Variants in TM2D1 observed in about 807,000 individuals in gnomAD.
TM2D1 encodes TM2 domain-containing protein 1.
In TM2D1, 15 loss-of-function variants were observed where a neutral mutation model predicts 28.4. That is an observed-to-expected ratio of 0.53 (90% CI 0.35 to 0.81). The LOEUF (loss-of-function observed/expected upper bound fraction) is 0.81. Among genes scored for constraint, TM2D1 ranks in the 40% least tolerant of loss-of-function variants. The pLI is 0.01. For synonymous variants in TM2D1, 93 were observed against 96.2 expected, an observed-to-expected ratio of 0.97 and a Z score of 0.20; for missense variants, 236 against 254.9, an observed-to-expected ratio of 0.93 and a Z score of 0.50.
intron 2 of TM2D1, among the ~76,000 whole-genome samples, chr1:61,713,755 C>T (rs541529092): frequency 1.8e-4 from 28 of 152,148 alleles, no homozygotes; most frequent in African/African-American, 6.3e-4. Context: ...CTTAAAGAGA[C>T]AGTTGCAATA....
intron 2 of TM2D1, among the ~76,000 whole-genome samples, chr1:61,716,788 T>C (rs1644525843): frequency 6.6e-6 from 1 of 152,032 alleles, no homozygotes; most frequent in South Asian, 2.1e-4. Flanking sequence ...ACATACTTTA[T>C]AATGATTTCA....
In TM2D1 at chr1:61,686,356, C is replaced by T. The variant is rs147973779; in HGVS notation, c.514-2810G>A. 5.7e-3 allele frequency among the ~76,000 whole-genome samples: 870 copies of T among 152,136 alleles called. 11 individuals carry two copies. The highest frequency in any genetic ancestry group is 0.02 in the African/African-American group (817 of 41,502). ...TAAAGATGTCAACTATTTAGATCCA[C>T]ATTCCTTTGCCAAATTAAGACAGGG... On this transcript the variant is annotated intron_variant, in intron 5 of 6. Transcript: ENST00000606498.
rs41289420 is a variant in TM2D1 at position 61,681,106 on chromosome 1, G to C, written c.*264C>G. ...AAATGACAAGTGGCAACTTGCCTTT[G>C]TAAAAGATTAAAGAGTATCAGAGTA... On this transcript the variant is annotated 3_prime_UTR_variant, in exon 7 of 7. Coordinates refer to ENST00000606498, the MANE Select transcript of TM2D1 (RefSeq NM_032027.3). 4.0e-3 allele frequency: 615 copies of C among 152,714 alleles called. 3 individuals are homozygous for C. The highest frequency in any genetic ancestry group is 6.9e-3 in the Non-Finnish European group (472 of 68,034). 9.5% of individuals were successfully genotyped at this position (152,714 alleles called of 1,614,324 possible).
chr1:61,686,856 G>A (rs1644289169), intron 5 of TM2D1: 6 of 951,222 alleles, frequency 6.3e-6, no homozygotes, highest in South Asian at 4.9e-5. Flanking sequence ...CCAGGAATTC[G>A]AGGCTGCAAT....
At chr1:61,718,104 G>A (rs1484238806) in intron 2 of TM2D1, among the ~76,000 whole-genome samples, 2 of 152,122 alleles carry the variant, frequency 1.3e-5, no homozygotes, top group African/African-American at 4.8e-5. Context: ...GATTGCTTGA[G>A]CTCAGGAGTT....
intron 2 of TM2D1, among the ~76,000 whole-genome samples, chr1:61,711,329 CAAAAAAA>C (rs1203013202): frequency 1.2e-5 from 1 of 86,082 alleles, no homozygotes; most frequent in Admixed American, 1.3e-4. Context: ...AACTCCACCT[CAAAAAAA>C]AAAAAAAGAA....
intron 5 of TM2D1, among the ~76,000 whole-genome samples, chr1:61,686,325 C>A (rs923246521): frequency 1.3e-5 from 2 of 151,642 alleles, no homozygotes; most frequent in African/African-American, 2.4e-5. Flanking sequence ...AAAAAAAGAT[C>A]AGCTATAAAG....
In TM2D1 at chr1:61,715,645, CAAAAAAAAAAAAAA is replaced by C. The variant is rs759796747; in HGVS notation, c.239-6222_239-6209del. On this transcript the variant is annotated intron_variant, in intron 2 of 6. Coordinates refer to ENST00000606498, the MANE Select transcript of TM2D1 (RefSeq NM_032027.3). ...CCTGGGTGACAGAGCAAGACTGTCTCAAAAAAAAAAAAAAAAAAAAAAAAAAAAAACAAGAAAGA... is the reference window on the plus strand; with the variant it reads ...CCTGGGTGACAGAGCAAGACTGTCTCAAAAAAAAAAAAAAAACAAGAAAGA... Among the ~76,000 whole-genome samples, 9 of 16,422 alleles carry C rather than the reference CAAAAAAAAAAAAAA, an allele frequency of 5.5e-4. No individual in the cohort carries two copies. The East Asian group carries it at 0.023, about 42-fold the overall frequency. 10.8% of individuals were successfully genotyped at this position (16,422 alleles called of 152,430 possible). A position where few individuals can be genotyped will look rare whatever the true frequency, so the allele number is the denominator to read the frequency against.
At chr1:61,718,491 T>C (rs376951706) in intron 2 of TM2D1, among the ~76,000 whole-genome samples, 1 of 152,308 alleles carries the variant, frequency 6.6e-6, no homozygotes, top group South Asian at 2.1e-4. Flanking sequence ...AAAAGAATAG[T>C]TCAGGCCAGA....
At chr1:61,724,259 C>G (rs553996230) in intron 1 of TM2D1, 1 of 152,550 alleles carries the variant, frequency 6.6e-6, no homozygotes, top group South Asian at 2.1e-4. Flanking sequence ...TGGCGTAAAC[C>G]CCGTCTCTAC....
chr1:61,717,503 T>C (rs964212938), intron 2 of TM2D1, among the ~76,000 whole-genome samples: 1 of 152,240 alleles, frequency 6.6e-6, no homozygotes, highest in Non-Finnish European at 1.5e-5. Flanking sequence ...GTCTAGGATT[T>C]AGATAATATC....
chr1:61,716,579 T>A lies in TM2D1; in HGVS notation c.238+7134A>T, dbSNP rs562714434. 2.8e-3 allele frequency among the ~76,000 whole-genome samples: 402 copies of A among 144,992 alleles called. 4 individuals are homozygous for A. Among genetic ancestry groups the A allele is most frequent in the African/African-American group, 9.5e-3 (382 of 40,102 alleles). Reference sequence around the variant, plus strand: ...TATAATTTTATATATGTATATAATTTTATATATATATATACACACACACAC... The same window carrying A: ...TATAATTTTATATATGTATATAATTATATATATATATATACACACACACAC... On this transcript the variant is annotated intron_variant, in intron 2 of 6. Coordinates refer to ENST00000606498, the MANE Select transcript of TM2D1 (RefSeq NM_032027.3).
intron 3 of TM2D1, among the ~76,000 whole-genome samples, chr1:61,702,517 C>T (rs1294872401): frequency 6.6e-6 from 1 of 150,752 alleles, no homozygotes; most frequent in Non-Finnish European, 1.5e-5. Flanking sequence ...TACAGGCGCA[C>T]ACCACCACAG....
chr1:61,700,954 T>TA lies in TM2D1; in HGVS notation c.418dup (p.Tyr140LeufsTer25). On this transcript the variant is annotated frameshift_variant, in exon 4 of 7. Transcript: ENST00000606498. LOFTEE classifies it high-confidence loss of function. ...CGCACCCAAAGCAGGGTATCCAAGG[T>TA]AAAATCGATCTGCTCCCAACCATCC... 1 of 1,610,666 alleles carries TA rather than the reference T, an allele frequency of 6.2e-7. No individual in the cohort carries two copies.
At chr1:61,697,592 C>T (rs1369805003) in intron 4 of TM2D1, 1 of 152,162 alleles carries the variant, frequency 6.6e-6, no homozygotes, top group East Asian at 1.9e-4. Flanking sequence ...CAATGACATA[C>T]ACTGTACATA....
intron 3 of TM2D1, among the ~76,000 whole-genome samples, chr1:61,706,729 C>T (rs1368632650): frequency 4.0e-5 from 6 of 148,544 alleles, no homozygotes; most frequent in Non-Finnish European, 9.0e-5. Context: ...ATCGCTTGAA[C>T]CCGGGAAGGT....
At chr1:61,711,484 C>A (rs1644478843) in intron 2 of TM2D1, among the ~76,000 whole-genome samples, 1 of 151,832 alleles carries the variant, frequency 6.6e-6, no homozygotes, top group South Asian at 2.1e-4. Flanking sequence ...ATCCCCATCT[C>A]TACAAAAAAT....
chr1:61,710,645 T>G (rs1026002236), intron 2 of TM2D1, among the ~76,000 whole-genome samples: 1 of 151,746 alleles, frequency 6.6e-6, no homozygotes, highest in African/African-American at 2.4e-5. Context: ...AAAGTACTAA[T>G]ACTTTTAGAT....
At chr1:61,684,069 T>C (rs563680910) in intron 5 of TM2D1, among the ~76,000 whole-genome samples, 3 of 152,240 alleles carry the variant, frequency 2.0e-5, no homozygotes, top group Admixed American at 2.0e-4. Context: ...GGAGATGAGG[T>C]TGTATCATTG....
Sources: gnomAD v4.1 joint callset for allele counts (sites outside exome capture counted in the v4.1 genomes callset) on GRCh38, gnomAD v4.1.1 for gene constraint, MANE v1.5 for transcripts, NCBI Gene and HGNC (gene_info 2026-07-23, HGNC 2026-07-21) for gene names.